RREB1: variants seen among roughly 807,000 people sequenced by gnomAD.
RREB1 encodes ras responsive element binding protein 1.
A neutral mutation model predicts 117.8 loss-of-function variants in RREB1; 27 were observed. That is an observed-to-expected ratio of 0.23 (90% confidence interval 0.17 to 0.32). The LOEUF (loss-of-function observed/expected upper bound fraction) is 0.32, where lower values mean the gene tolerates loss of function less well. Among genes scored for constraint, RREB1 ranks in the 10% least tolerant of loss-of-function variants. The pLI, the probability that RREB1 is intolerant of heterozygous loss-of-function variation, is 1.00. For synonymous variants in RREB1, 1,298 were observed against 1,026.7 expected (o/e 1.26, Z -5.05); for missense variants, 2,577 against 2,378.2 (o/e 1.08, Z -1.74).
chr6:7,223,304 G>A (rs188834861), intron 8 of RREB1, among the ~76,000 whole-genome samples: 4 of 148,348 alleles, frequency 2.7e-5, no homozygotes, highest in Non-Finnish European at 5.9e-5. Context: ...GCTCACGCCT[G>A]TAATCCCAGC....
At chr6:7,246,148 CG>C (rs1769003092) in intron 11 of RREB1, among the ~76,000 whole-genome samples, 1 of 152,196 alleles carries the variant, frequency 6.6e-6, no homozygotes, top group Admixed American at 6.5e-5. Context: ...TTCCTGGGGG[CG>C]GGGGCAGTGG....
In RREB1 at chr6:7,205,240, C is replaced by T. The variant is rs556234994; in HGVS notation, c.426-5564C>T. 2.6e-5 allele frequency among the ~76,000 whole-genome samples: 4 copies of T among 152,312 alleles called. No homozygotes were observed. The South Asian group carries it at 6.2e-4, about 24-fold the overall frequency. ...CGACCCAGCGCTACCAGTCTGCAGG[C>T]CTGGGATGGGACTCGGGGGTTTTTA... On this transcript the variant is annotated intron_variant, in intron 6 of 12. Coordinates refer to ENST00000379938, the MANE Select transcript of RREB1 (RefSeq NM_001003699.4).
intron 1 of RREB1, among the ~76,000 whole-genome samples, chr6:7,171,425 A>G (rs951618167): frequency 1.3e-5 from 2 of 152,174 alleles, no homozygotes; most frequent in African/African-American, 4.8e-5. Flanking sequence ...AGAGAACGTG[A>G]CTAAGGGAGC....
At position 7,248,544 on chromosome 6, in the gene RREB1, G is replaced by A. The variant is rs1251382923; in HGVS notation, c.4805G>A (p.Arg1602Gln). The change falls in exon 13 of 13, where the codon CGA becomes CAA. Residue 1602 changes from arginine to glutamine, a missense_variant. Physicochemically the swap from Arg to Gln is conservative, Grantham distance 43. Transcript: ENST00000379938. Reference sequence around the variant, plus strand: ...CCATACAAATGTCAGACCTGCGAGCGAACCTTCACCTTGAAGCACAGCCTG... The same window carrying A: ...CCATACAAATGTCAGACCTGCGAGCAAACCTTCACCTTGAAGCACAGCCTG... ...ERPYKCQTCE[R>Q]TFTLKHSLVR... 1.9e-6 allele frequency: 3 copies of A among 1,614,238 alleles called. No individual in the cohort carries two copies. Among genetic ancestry groups the A allele is most frequent in the Non-Finnish European group, 1.7e-6 (2 of 1,180,032 alleles).
At position 7,229,178 on chromosome 6, in the gene RREB1, A is replaced by C. The variant is rs759950901; in HGVS notation, c.1079A>C (p.Gln360Pro). 6.2e-7 allele frequency: 1 copy of C among 1,610,716 alleles called. No homozygotes were observed. The highest frequency in any genetic ancestry group is 8.5e-7 in the Non-Finnish European group (1 of 1,177,482). The part of the protein sequence containing the change: ...ATPLPGDALD[Q>P]KGFLALLGLQ... ...CCCCTGCCTGGTGACGCCCTGGACC[A>C]GAAGGGCTTCCTGGCCTTGCTTGGC... Residue 360 changes from glutamine to proline, a missense_variant, in exon 10 of 13, where the codon CAG (glutamine) becomes CCG (proline). By Grantham distance (76) the Gln-to-Pro change is moderately conservative. Coordinates refer to ENST00000379938, the MANE Select transcript of RREB1 (RefSeq NM_001003699.4). The surrounding 1 kb of genome is among the most constrained non-coding windows in gnomAD (Gnocchi z 4.5).
intron 1 of RREB1, among the ~76,000 whole-genome samples, chr6:7,144,934 G>A (rs1411799354): frequency 6.6e-6 from 1 of 152,192 alleles, no homozygotes; most frequent in Non-Finnish European, 1.5e-5. Flanking sequence ...GGTTATGAAG[G>A]CCCTGGGTTA....
At position 7,248,773 on chromosome 6, in the gene RREB1, C is replaced by T. The variant is rs368965053; in HGVS notation, c.5034C>T (p.Ala1678=). ...CCCGGAGCCGGAAGGAGGGCTTGGC[C>T]AGTGCCACCAAGGACTGCAGCCACA... ...AVTRSRKEGL[A]SATKDCSHRE... Residue 1678 remains alanine (A), a synonymous_variant, in exon 13 of 13, where the codon GCC becomes GCT. Coordinates refer to ENST00000379938, the MANE Select transcript of RREB1 (RefSeq NM_001003699.4). The T allele has an allele frequency of 1.9e-5, 30 of 1,613,940 alleles. No homozygotes were observed. The African/African-American group carries it at 3.3e-4, about 18-fold the overall frequency.
At chr6:7,163,992 T>G (rs1561754324) in intron 1 of RREB1, among the ~76,000 whole-genome samples, 1 of 152,206 alleles carries the variant, frequency 6.6e-6, no homozygotes, top group East Asian at 1.9e-4. Flanking sequence ...CTGGCTCCTG[T>G]TCTCCCATGG....
rs908636581 is a variant in RREB1, at chr6:7,248,383, T to C, written c.4772-128T>C. On this transcript the variant is annotated intron_variant, in intron 12 of 12. Transcript: ENST00000379938. ...TTTGCTGGTTCAAGGAAGAGGCCTC[T>C]GGCTGAGTAGGACGGAGTCCTGGCC... 7 of 738,848 alleles carry C rather than the reference T, an allele frequency of 9.5e-6. No homozygotes were observed. In the East Asian group the frequency reaches 1.6e-4, roughly 17 times the overall value. The allele number at this position is 738,848 out of a possible 1,614,324, so 45.8% of individuals were successfully genotyped here. A position where few individuals can be genotyped will look rare whatever the true frequency, so the allele number is the denominator to read the frequency against.
At chr6:7,211,766 A>G (rs1766622281) in intron 8 of RREB1, 57 bp downstream of exon 8, 1 of 1,586,998 alleles carries the variant, frequency 6.3e-7, no homozygotes, top group Non-Finnish European at 8.6e-7. Context: ...GCATGTGACA[A>G]TGTTCTTAAG....
rs568193582 is a variant in RREB1, at chr6:7,228,495, C to CTTTTTTT, written c.898-482_898-476dup. On this transcript the variant is annotated intron_variant, in intron 9 of 12. Coordinates refer to ENST00000379938, the MANE Select transcript of RREB1 (RefSeq NM_001003699.4). ...GTGTTAGCAAGCAGGAGAAGGTCAA[C>CTTTTTTT]TTTTTTTTTTTTTTTTTTTTTTTTT... Among the ~76,000 whole-genome samples the CTTTTTTT allele has an allele frequency of 9.6e-4, 88 of 91,198 alleles. 1 individual carries two copies. The highest frequency in any genetic ancestry group is 3.7e-3 in the African/African-American group (81 of 21,784). The allele number at this position is 91,198 out of a possible 152,430, so 59.8% of individuals were successfully genotyped here.
chr6:7,168,438 G>T (rs564632563), intron 1 of RREB1, among the ~76,000 whole-genome samples: 57 of 152,196 alleles, frequency 3.7e-4, no homozygotes, highest in African/African-American at 1.3e-3. Flanking sequence ...TTCTAACCTG[G>T]TCTCCCACCC....
chr6:7,177,800 G>A (rs1308744460), intron 2 of RREB1, among the ~76,000 whole-genome samples: 8 of 152,134 alleles, frequency 5.3e-5, no homozygotes, highest in Non-Finnish European at 8.8e-5. Flanking sequence ...TCAGCTCACT[G>A]CAACCTCTGC....
At chr6:7,141,229 G>C (rs1315613595) in intron 1 of RREB1, among the ~76,000 whole-genome samples, 1 of 152,112 alleles carries the variant, frequency 6.6e-6, no homozygotes, top group Admixed American at 6.5e-5. Flanking sequence ...GCGGGCTGGC[G>C]GGGGCCGGGC....
At position 7,250,459 on chromosome 6, in the gene RREB1, C is replaced by G. The variant is rs960564353; in HGVS notation, c.*1491C>G. On this transcript the variant is annotated 3_prime_UTR_variant, in exon 13 of 13. Coordinates refer to ENST00000379938, the MANE Select transcript of RREB1 (RefSeq NM_001003699.4). ...CATCCTGTGCAGGCAATAGACTTCC[C>G]TCACTGTCTCCGCCTGCAGGGAGGA... The G allele has an allele frequency of 6.6e-6, 1 of 152,028 alleles. No individual in the cohort carries two copies. Among genetic ancestry groups the G allele is most frequent in the Non-Finnish European group, 1.5e-5 (1 of 67,984 alleles). 9.4% of individuals were successfully genotyped at this position (152,028 alleles called of 1,614,324 possible). A position where few individuals can be genotyped will look rare whatever the true frequency, so the allele number is the denominator to read the frequency against.
chr6:7,238,804 T>C (rs1768503180), intron 10 of RREB1, among the ~76,000 whole-genome samples: 1 of 152,192 alleles, frequency 6.6e-6, no homozygotes, highest in South Asian at 2.1e-4. Context: ...GATTGTTGCA[T>C]CTTTATTCTT....
chr6:7,119,529 GGAAA>G (rs1761572772), intron 1 of RREB1, among the ~76,000 whole-genome samples: 1 of 152,100 alleles, frequency 6.6e-6, no homozygotes. Flanking sequence ...ATGGGTGAGA[GGAAA>G]GAAAAAGCGT....
intron 11 of RREB1, among the ~76,000 whole-genome samples, 164 bp downstream of exon 11, chr6:7,240,766 T>C (rs955275981): frequency 8.5e-5 from 13 of 152,120 alleles, no homozygotes; most frequent in African/African-American, 3.1e-4. Context: ...CTGCTGATGA[T>C]TGGGAGGGAG....
chr6:7,200,844 T>G (rs1765935066), intron 6 of RREB1, among the ~76,000 whole-genome samples: 1 of 152,256 alleles, frequency 6.6e-6, no homozygotes, highest in Non-Finnish European at 1.5e-5. Context: ...TATTTATAAC[T>G]TAAGTTTTCT....
Sources: gnomAD v4.1 joint callset for allele counts (sites outside exome capture counted in the v4.1 genomes callset) on GRCh38, gnomAD v4.1.1 for gene constraint, Gnocchi (gnomAD v3.1) non-coding constraint, MANE v1.5 for transcripts, NCBI Gene and HGNC (gene_info 2026-07-23, HGNC 2026-07-21) for gene names.